PLEKHA8: variants seen among roughly 807,000 people sequenced by gnomAD.
The protein encoded by PLEKHA8 is pleckstrin homology domain-containing family A member 8.
In PLEKHA8, 36 loss-of-function variants were observed where a neutral mutation model predicts 68.2. The ratio of observed to expected loss-of-function variants is 0.53; its 90% confidence interval spans 0.40 to 0.70. The LOEUF (loss-of-function observed/expected upper bound fraction) is 0.70. Ranked by LOEUF, PLEKHA8 falls within the 30% of genes least tolerant of loss-of-function variation. PLEKHA8 has a pLI of 0.00. For missense variants in PLEKHA8, 505 were observed against 615.4 expected (o/e 0.82, Z 1.90); for synonymous variants, 211 against 216.1 (o/e 0.98, Z 0.20).
rs1794203562 is a variant in PLEKHA8, at chr7:30,071,050, AGC to A, written c.1301-3020_1301-3019del. 2.0e-5 allele frequency among the ~76,000 whole-genome samples: 3 copies of A among 152,210 alleles called. No homozygotes were observed. In the South Asian group the frequency reaches 6.2e-4, roughly 32 times the overall value. On this transcript the variant is annotated intron_variant, in intron 12 of 13. Coordinates refer to ENST00000449726, the MANE Select transcript of PLEKHA8 (RefSeq NM_001197026.2). ...GTTCTCTGTACAGGGGGAAAAAACT[AGC>A]AGAATATTTTTCCTGAATACCCACT...
At chr7:30,053,526 G>C (rs886461733) in intron 7 of PLEKHA8, among the ~76,000 whole-genome samples, 13 of 152,250 alleles carry the variant, frequency 8.5e-5, no homozygotes, top group Admixed American at 2.6e-4. Context: ...GGGAGTTGAG[G>C]GAAGGAGCTG....
At chr7:30,068,274 A>G (rs1794003077) in intron 12 of PLEKHA8, among the ~76,000 whole-genome samples, 1 of 152,240 alleles carries the variant, frequency 6.6e-6, no homozygotes, top group African/African-American at 2.4e-5. Flanking sequence ...AGTACATAAT[A>G]CAATTGGAAT....
intron 13 of PLEKHA8, among the ~76,000 whole-genome samples, chr7:30,117,750 C>T (rs1796612659): frequency 6.6e-6 from 1 of 152,014 alleles, no homozygotes. Context: ...TTTTGATTTA[C>T]AACTGCCAGA....
At chr7:30,056,734 AAAAAAAAAGTGTGTGT>A (rs1339996358) in intron 9 of PLEKHA8, among the ~76,000 whole-genome samples, 1 of 107,088 alleles carries the variant, frequency 9.3e-6, no homozygotes, top group African/African-American at 3.4e-5. Context: ...CAAAAAAAAA[AAAAAAAAAGTGTGTGT>A]GTGTGTGTGT....
intron 9 of PLEKHA8, among the ~76,000 whole-genome samples, chr7:30,059,541 C>T (rs1175621170): frequency 6.6e-6 from 1 of 151,548 alleles, no homozygotes; most frequent in Non-Finnish European, 1.5e-5. Flanking sequence ...TCTTTGTTCC[C>T]TTTTTACTCC....
At chr7:30,041,194 A>G (rs570863660) in intron 1 of PLEKHA8, among the ~76,000 whole-genome samples, 35 of 152,284 alleles carry the variant, frequency 2.3e-4, no homozygotes, top group African/African-American at 8.2e-4. Context: ...ATTTTGTCTA[A>G]TAGGAATGAG....
At position 30,028,512 on chromosome 7, in the gene PLEKHA8, T is replaced by G. The variant is rs1236009420; in HGVS notation, c.-251T>G. Reference sequence around the variant, plus strand: ...CGTAGGGCCCGGACCCGGGCCTCCTTGTGAACAGCGTGCCGGCTTCGCCCC... The same window carrying G: ...CGTAGGGCCCGGACCCGGGCCTCCTGGTGAACAGCGTGCCGGCTTCGCCCC... On this transcript the variant is annotated 5_prime_UTR_variant, in exon 1 of 14. Coordinates refer to ENST00000449726, the MANE Select transcript of PLEKHA8 (RefSeq NM_001197026.2). 5.5e-6 allele frequency: 2 copies of G among 363,008 alleles called. No individual in the cohort carries two copies. Among genetic ancestry groups the G allele is most frequent in the African/African-American group, 2.1e-5 (1 of 47,194 alleles). The allele number at this position is 363,008 out of a possible 1,614,324, so 22.5% of individuals were successfully genotyped here.
In PLEKHA8 at chr7:30,046,219, T is replaced by C. The variant is rs772543025; in HGVS notation, c.167T>C (p.Val56Ala). The change falls in exon 3 of 14, where the codon GTA becomes GCA. Residue 56 changes from valine (V) to alanine (A), a missense_variant. Transcript: ENST00000449726. ...MAVCEIQVHS[V>A]DNTRMDLIIP... ...TCTGTCTTGCTCCCAGTTCATTCTG[T>C]AGATAATACACGCATGGACCTGATA... is the stretch of plus-strand genomic sequence containing the variant. The C allele has an allele frequency of 1.0e-5, 16 of 1,604,826 alleles. No homozygotes were observed. Among genetic ancestry groups the C allele is most frequent in the Non-Finnish European group, 1.4e-5 (16 of 1,175,446 alleles).
intron 13 of PLEKHA8, among the ~76,000 whole-genome samples, chr7:30,118,813 G>T (rs1476902036): frequency 1.3e-5 from 2 of 151,848 alleles, no homozygotes; most frequent in Admixed American, 6.6e-5. Context: ...TCCAGACCTT[G>T]TGATCCGCCC....
chr7:30,124,334 A>G (rs1796739515), intron 13 of PLEKHA8, among the ~76,000 whole-genome samples: 1 of 152,232 alleles, frequency 6.6e-6, no homozygotes, highest in African/African-American at 2.4e-5. Context: ...AAGCATGTGA[A>G]CATAAATAAT....
chr7:30,074,029 TCTGATGAAAGTGTTC>T, intron 12 of PLEKHA8, 27 bp from the exon 13 acceptor site: 1 of 1,539,444 alleles, frequency 6.5e-7, no homozygotes, highest in South Asian at 1.2e-5. Context: ...CACATCAAAT[TCTGATGAAAGTGTTC>T]CTCATGGAGT....
intron 13 of PLEKHA8, among the ~76,000 whole-genome samples, chr7:30,106,086 T>C (rs1796045532): frequency 6.6e-6 from 1 of 150,942 alleles, no homozygotes; most frequent in Admixed American, 6.6e-5. Context: ...TGAGGTGGAG[T>C]CTCGCTCTGT....
At chr7:30,055,533 A>T (rs1269929628) in intron 9 of PLEKHA8, among the ~76,000 whole-genome samples, 191 bp downstream of exon 9, 1 of 152,214 alleles carries the variant, frequency 6.6e-6, no homozygotes, top group Non-Finnish European at 1.5e-5. Flanking sequence ...TTCATTTCTA[A>T]TAATGATTAA....
intron 13 of PLEKHA8, chr7:30,075,215 C>A (rs1193380512): frequency 1.3e-5 from 2 of 152,120 alleles, no homozygotes; most frequent in African/African-American, 4.8e-5. Context: ...AAATCAGATT[C>A]TAATGAAAAT....
rs1794857431 is a variant in PLEKHA8, at chr7:30,080,263, C to CT, written c.*1476_*1477insT. ...GCATTCTTCTGCACAGTGTGATGCT[C>CT]CAACCCTGGCCCTAGTCTCAGTAGA... On this transcript the variant is annotated 3_prime_UTR_variant, in exon 14 of 14. Coordinates refer to ENST00000449726, the MANE Select transcript of PLEKHA8 (RefSeq NM_001197026.2). The CT allele has an allele frequency of 1.0e-6, 1 of 985,280 alleles. No individual in the cohort carries two copies. The highest frequency in any genetic ancestry group is 1.2e-6 in the Non-Finnish European group (1 of 829,928). The allele number at this position is 985,280 out of a possible 1,614,324, so 61.0% of individuals were successfully genotyped here.
In PLEKHA8 at chr7:30,071,455, C is replaced by T. The variant is rs777364633; in HGVS notation, c.1301-2616C>T. Among the ~76,000 whole-genome samples, 16 of 152,238 alleles carry T rather than the reference C, an allele frequency of 1.1e-4. No individual in the cohort carries two copies. The East Asian group carries it at 1.3e-3, about 13-fold the overall frequency. ...CTTCTGAGAATTCTTTGTGTCCACA[C>T]GCCTCACCCCCAACCCAGACTGGAT... is the stretch of plus-strand genomic sequence containing the variant. On this transcript the variant is annotated intron_variant, in intron 12 of 13. Transcript: ENST00000449726.
At chr7:30,035,738 G>A (rs1282751168) in intron 1 of PLEKHA8, among the ~76,000 whole-genome samples, 7 of 151,842 alleles carry the variant, frequency 4.6e-5, no homozygotes, top group African/African-American at 1.2e-4. Context: ...TTCGCCTCCC[G>A]GGTTCAAGCA....
chr7:30,117,865 AACTAC>A, intron 13 of PLEKHA8: 1 of 711,066 alleles, frequency 1.4e-6, no homozygotes, highest in Non-Finnish European at 2.2e-6. Context: ...ACAGAAGTAT[AACTAC>A]ACAACTCTAC....
chr7:30,081,206 A>G lies in PLEKHA8; in HGVS notation c.*2419A>G. ...AGACAGAATAGCTTGAATAAGTTAC[A>G]TTTTCCAATTACCCTTTTTCCACAT... On this transcript the variant is annotated 3_prime_UTR_variant, in exon 14 of 14. Transcript: ENST00000449726. 1.0e-6 allele frequency: 1 copy of G among 985,322 alleles called. No individual in the cohort carries two copies. The highest frequency in any genetic ancestry group is 1.2e-6 in the Non-Finnish European group (1 of 829,892). 61.0% of individuals were successfully genotyped at this position (985,322 alleles called of 1,614,324 possible). A position where few individuals can be genotyped will look rare whatever the true frequency, so the allele number is the denominator to read the frequency against.
Sources: gnomAD v4.1 joint callset for allele counts (sites outside exome capture counted in the v4.1 genomes callset) on GRCh38, gnomAD v4.1.1 for gene constraint, MANE v1.5 for transcripts, NCBI Gene and HGNC (gene_info 2026-07-23, HGNC 2026-07-21) for gene names.